The following XKR4 variants were observed in gnomAD, a reference collection of about 807,000 sequenced individuals.
XKR4 encodes XK related 4.
XKR4 carries 12 observed loss-of-function variants against 53.9 expected under a neutral mutation model. That is an observed-to-expected ratio of 0.22 (90% CI 0.14 to 0.36). XKR4 has a LOEUF of 0.36. Ranked by LOEUF, XKR4 falls within the 10% of genes least tolerant of loss-of-function variation. The probability of loss-of-function intolerance (pLI) is 1.00; values close to 1 mark genes in which losing one functional copy is unlikely to be tolerated. For missense variants in XKR4, 799 were observed against 859.5 expected (o/e 0.93, Z 0.88); for synonymous variants, 354 against 362.4 (o/e 0.98, Z 0.26).
rs1819153294 is a variant in XKR4, at chr8:55,299,632, A to T, written c.807-58046A>T. 5.9e-5 allele frequency among the ~76,000 whole-genome samples: 9 copies of T among 152,312 alleles called. No homozygotes were observed. The South Asian group carries it at 1.9e-3, about 32-fold the overall frequency. On this transcript the variant is annotated intron_variant, in intron 1 of 2. Transcript: ENST00000327381. ...CTGCAGGAAGACTTGGGGTGAAAAG[A>T]TGCAACATATTGGGATAAATGTTGT...
In XKR4 at chr8:55,523,948, C is replaced by T. The variant is rs1415422515; in HGVS notation, c.1674C>T (p.Asp558=). 1.2e-6 allele frequency: 2 copies of T among 1,614,066 alleles called. No individual in the cohort carries two copies. Among genetic ancestry groups the T allele is most frequent in the Admixed American group, 3.3e-5 (2 of 60,002 alleles). Residue 558 remains aspartate (D), a synonymous_variant, in exon 3 of 3, where the codon GAC becomes GAT. Transcript: ENST00000327381. Reference sequence around the variant, plus strand: ...CCAACAACCGCAGTGTTGTCAGCGACCGCGATCAGAAATTCGCAGAGCGGG... The same window carrying T: ...CCAACAACCGCAGTGTTGTCAGCGATCGCGATCAGAAATTCGCAGAGCGGG... The part of the protein sequence containing the change: ...SISNNRSVVS[D]RDQKFAERDG...
chr8:55,351,667 T>C (rs553872764), intron 1 of XKR4, among the ~76,000 whole-genome samples: 24 of 152,352 alleles, frequency 1.6e-4, no homozygotes, highest in African/African-American at 5.5e-4. Flanking sequence ...GTCTGTGCTT[T>C]CTTCACAAGA....
rs761061735 is a variant in XKR4 at position 55,523,970 on chromosome 8, C to T, written c.1696C>T (p.Arg566Trp). The stretch of plus-strand genomic sequence containing the variant: ...CGACCGCGATCAGAAATTCGCAGAG[C>T]GGGATGGGTGTGTACCTGTCTTTCA... ...VSDRDQKFAE[R>W]DGCVPVFQVR... The change falls in exon 3 of 3, where the codon CGG (arginine) becomes TGG (tryptophan). Residue 566 changes from arginine to tryptophan, a missense_variant. Physicochemically the swap from Arg to Trp is moderately radical, Grantham distance 101 (BLOSUM62 -3). Around this residue, in one of 3 missense-constraint regions of XKR4, gnomAD observed 269 missense variants for 264.4 expected, o/e 1.02. Transcript: ENST00000327381. The T allele has an allele frequency of 1.2e-6, 2 of 1,614,030 alleles. No homozygotes were observed. Among genetic ancestry groups the T allele is most frequent in the Admixed American group, 1.7e-5 (1 of 60,000 alleles).
chr8:55,267,451 C>G (rs753961771), intron 1 of XKR4, among the ~76,000 whole-genome samples: 1 of 152,174 alleles, frequency 6.6e-6, no homozygotes, highest in Non-Finnish European at 1.5e-5. Flanking sequence ...ACTTAAATGA[C>G]TGTCTCAAGG....
At chr8:55,445,949 C>T (rs1168302227) in intron 2 of XKR4, among the ~76,000 whole-genome samples, 1 of 152,232 alleles carries the variant, frequency 6.6e-6, no homozygotes, top group East Asian at 1.9e-4. Flanking sequence ...AGGCCTCCGA[C>T]TGCATACTTC....
chr8:55,345,930 A>G (rs1158096711), intron 1 of XKR4, among the ~76,000 whole-genome samples: 1 of 152,088 alleles, frequency 6.6e-6, no homozygotes, highest in African/African-American at 2.4e-5. Flanking sequence ...TTTTGAGACA[A>G]ATACTGCATC....
intron 1 of XKR4, among the ~76,000 whole-genome samples, chr8:55,132,122 A>T (rs1040182322): frequency 1.3e-5 from 2 of 152,184 alleles, no homozygotes; most frequent in African/African-American, 4.8e-5. Context: ...GCCTGACAAC[A>T]ATGGGTTCAA....
intron 1 of XKR4, among the ~76,000 whole-genome samples, chr8:55,182,832 C>A (rs1448452665): frequency 1.3e-5 from 2 of 151,864 alleles, no homozygotes; most frequent in African/African-American, 4.8e-5. Context: ...AAAAAATTAT[C>A]CTGAGATTTG....
intron 2 of XKR4, among the ~76,000 whole-genome samples, chr8:55,382,475 T>C (rs942946590): frequency 1.3e-5 from 2 of 152,222 alleles, no homozygotes; most frequent in African/African-American, 4.8e-5. Flanking sequence ...TTTTAGAGTT[T>C]ATAGCAATAA....
chr8:55,333,555 G>C (rs192319068), intron 1 of XKR4, among the ~76,000 whole-genome samples: 1 of 151,990 alleles, frequency 6.6e-6, no homozygotes, highest in East Asian at 1.9e-4. Context: ...GACCTTAGCT[G>C]TTCTATTGTA....
chr8:55,524,204 T>G lies in XKR4; in HGVS notation c.1930T>G (p.Leu644Val). 1 of 1,613,784 alleles carries G rather than the reference T, an allele frequency of 6.2e-7. No individual in the cohort carries two copies. Among genetic ancestry groups the G allele is most frequent in the Non-Finnish European group, 8.5e-7 (1 of 1,179,776 alleles). Residue 644 changes from leucine (L) to valine (V), a missense_variant, in exon 3 of 3, where the codon TTG (leucine) becomes GTG (valine). Leu to Val is a conservative substitution (Grantham distance 32, BLOSUM62 1). Transcript: ENST00000327381. ...AGATGATGCCCTTATTCAGGAGCGG[T>G]TGGAGTACGAAACCACTTTATAAAG... Reference protein sequence around the residue: ...YKDDALIQERLEYETTL With the variant: ...YKDDALIQERVEYETTL
chr8:55,308,696 C>T (rs1284817401), intron 1 of XKR4, among the ~76,000 whole-genome samples: 1 of 152,106 alleles, frequency 6.6e-6, no homozygotes, highest in Non-Finnish European at 1.5e-5. Flanking sequence ...ATATAAAATC[C>T]TGTACCTGAA....
chr8:55,413,687 C>A (rs981885636), intron 2 of XKR4, among the ~76,000 whole-genome samples: 1 of 152,068 alleles, frequency 6.6e-6, no homozygotes, highest in Non-Finnish European at 1.5e-5. Context: ...CTGATTTTTT[C>A]TTGATGTGTA....
chr8:55,457,097 C>G (rs1241054151), intron 2 of XKR4, among the ~76,000 whole-genome samples: 2 of 149,962 alleles, frequency 1.3e-5, no homozygotes, highest in African/African-American at 2.4e-5. Flanking sequence ...CAGTGAAGAC[C>G]AGGAAGCAGT....
At chr8:55,191,348 G>C (rs1817442219) in intron 1 of XKR4, among the ~76,000 whole-genome samples, 2 of 152,128 alleles carry the variant, frequency 1.3e-5, no homozygotes, top group Non-Finnish European at 2.9e-5. Context: ...AATAATATGT[G>C]TTCAATTTAT....
intron 1 of XKR4, among the ~76,000 whole-genome samples, chr8:55,117,662 G>C (rs937513844): frequency 4.6e-5 from 7 of 152,152 alleles, no homozygotes; most frequent in African/African-American, 1.7e-4. Flanking sequence ...TTGCTCAAGT[G>C]CACACAGCTA....
intron 1 of XKR4, among the ~76,000 whole-genome samples, chr8:55,160,702 C>A (rs1463154814): frequency 6.6e-6 from 1 of 152,088 alleles, no homozygotes; most frequent in African/African-American, 2.4e-5. Context: ...CACAAAATGG[C>A]CAATGTTTGA....
intron 2 of XKR4, among the ~76,000 whole-genome samples, chr8:55,373,579 T>C (rs940653901): frequency 6.6e-6 from 1 of 152,226 alleles, no homozygotes; most frequent in African/African-American, 2.4e-5. Context: ...GTTTCCAGCA[T>C]AGAGCCTTCA....
intron 1 of XKR4, among the ~76,000 whole-genome samples, chr8:55,220,727 C>T (rs1023054614): frequency 6.6e-6 from 1 of 152,200 alleles, no homozygotes; most frequent in Non-Finnish European, 1.5e-5. Context: ...TCTCCTTTTT[C>T]CCCAGAAGCT....
Sources: gnomAD v4.1 joint callset for allele counts (sites outside exome capture counted in the v4.1 genomes callset) on GRCh38, gnomAD v4.1.1 for gene constraint, gnomAD v4.1.1 regional missense constraint, MANE v1.5 for transcripts, NCBI Gene and HGNC (gene_info 2026-07-23, HGNC 2026-07-21) for gene names.